NKAIN3: variants seen among roughly 807,000 people sequenced by gnomAD.
NKAIN3 encodes the protein sodium/potassium-transporting ATPase subunit beta-1-interacting protein 3.
NKAIN3 carries 25 observed loss-of-function variants against 30.2 expected under a neutral mutation model. The observed-to-expected ratio is 0.83, with a 90% CI of 0.60 to 1.16. NKAIN3 has a LOEUF of 1.16. NKAIN3 is among the 50% of genes most tolerant of loss of function. The probability of loss-of-function intolerance (pLI) is 0.00; values close to 1 mark genes in which losing one functional copy is unlikely to be tolerated. For synonymous variants in NKAIN3, 91 were observed against 89.6 expected (o/e 1.02, Z -0.09); for missense variants, 225 against 254.1 (o/e 0.89, Z 0.78).
rs1294602168 is a variant in NKAIN3 at position 62,967,200 on chromosome 8, T to A, written c.*1793T>A. On this transcript the variant is annotated 3_prime_UTR_variant, in exon 7 of 7. Transcript: ENST00000623646. The stretch of plus-strand genomic sequence containing the variant: ...CTGAAGCCTAAGGGATTTGGTGAAC[T>A]TGTCCAGAGCCTGTATCTGTACACA... Among the ~76,000 whole-genome samples the A allele has an allele frequency of 2.0e-5, 3 of 152,206 alleles. No homozygotes were observed. In the East Asian group the frequency reaches 5.8e-4, roughly 29 times the overall value.
intron 4 of NKAIN3, among the ~76,000 whole-genome samples, chr8:62,816,659 G>C (rs1271185189): frequency 6.6e-6 from 1 of 152,060 alleles, no homozygotes; most frequent in African/African-American, 2.4e-5. Flanking sequence ...TGGTGCTGGG[G>C]TCAGCGCTGT....
intron 3 of NKAIN3, among the ~76,000 whole-genome samples, chr8:62,643,888 C>A (rs1034972417): frequency 6.6e-6 from 1 of 151,998 alleles, no homozygotes; most frequent in African/African-American, 2.4e-5. Context: ...TGCAAAATTT[C>A]TTTCACTGAA....
chr8:62,431,906 C>A (rs539373844), intron 1 of NKAIN3, among the ~76,000 whole-genome samples: 8 of 127,766 alleles, frequency 6.3e-5, no homozygotes, highest in Non-Finnish European at 1.3e-4. Flanking sequence ...TGTTTTCACC[C>A]AATTAAACTA....
chr8:62,377,227 T>C (rs1817115841), intron 1 of NKAIN3, among the ~76,000 whole-genome samples: 1 of 152,170 alleles, frequency 6.6e-6, no homozygotes. Flanking sequence ...AATTCTTCCC[T>C]CTTTGTTTCT....
At chr8:62,826,421 G>A (rs1295747096) in intron 4 of NKAIN3, among the ~76,000 whole-genome samples, 1 of 152,114 alleles carries the variant, frequency 6.6e-6, no homozygotes, top group Non-Finnish European at 1.5e-5. Flanking sequence ...CATCTCTACT[G>A]ACTTCTATAT....
Position 62,729,033 on chromosome 8 carries a change from A to AC in NKAIN3, c.274-17899_274-17898insC, listed in dbSNP as rs1563534899. Among the ~76,000 whole-genome samples, 638 of 111,898 alleles carry AC rather than the reference A, an allele frequency of 5.7e-3. 66 individuals are homozygous for AC. The highest frequency in any genetic ancestry group is 0.023 in the African/African-American group (613 of 26,252). The allele number at this position is 111,898 out of a possible 152,430, so 73.4% of individuals were successfully genotyped here. On this transcript the variant is annotated intron_variant, in intron 3 of 6. Coordinates refer to ENST00000623646, the MANE Select transcript of NKAIN3 (RefSeq NM_001304533.3). ...AACAAAACAAACAAACCAAAAAAAA[A>AC]AAAAAACAAAAAAAAAAAACCTCCT...
intron 4 of NKAIN3, chr8:62,855,423 G>C (rs1820033331): frequency 9.6e-7 from 1 of 1,037,854 alleles, no homozygotes; most frequent in African/African-American, 1.6e-5. Context: ...TTGGCCTTCA[G>C]CTCCTCTTCT....
intron 1 of NKAIN3, among the ~76,000 whole-genome samples, chr8:62,544,730 C>T (rs1236305197): frequency 2.0e-5 from 3 of 151,824 alleles, no homozygotes; most frequent in African/African-American, 7.3e-5. Flanking sequence ...ACAAACAATC[C>T]TTGAACAACA....
intron 1 of NKAIN3, among the ~76,000 whole-genome samples, chr8:62,310,515 T>C (rs1814394115): frequency 6.6e-6 from 1 of 150,628 alleles, no homozygotes; most frequent in Admixed American, 6.6e-5. Flanking sequence ...TTAACGTAAA[T>C]GTTCCTACCC....
At chr8:62,628,557 ATTG>A (rs1811857908) in intron 3 of NKAIN3, among the ~76,000 whole-genome samples, 1 of 152,118 alleles carries the variant, frequency 6.6e-6, no homozygotes, top group Admixed American at 6.6e-5. Flanking sequence ...ATGCTAAATC[ATTG>A]TTAAGTAATT....
intron 1 of NKAIN3, among the ~76,000 whole-genome samples, chr8:62,489,623 T>C (rs1041735244): frequency 6.6e-6 from 1 of 152,208 alleles, no homozygotes; most frequent in African/African-American, 2.4e-5. Context: ...AACAGCATAT[T>C]TAAAAGAGTT....
At chr8:62,996,263 A>AT (rs1322508538) in intron 5 of NKAIN3, among the ~76,000 whole-genome samples, 1 of 152,202 alleles carries the variant, frequency 6.6e-6, no homozygotes, top group Non-Finnish European at 1.5e-5. Flanking sequence ...CACGGCTTAC[A>AT]TGGTGGCAGG....
chr8:62,449,723 AT>A (rs1805585095), intron 1 of NKAIN3, among the ~76,000 whole-genome samples: 1 of 152,030 alleles, frequency 6.6e-6, no homozygotes, highest in Non-Finnish European at 1.5e-5. Context: ...CCATAAGCGT[AT>A]TTTTCCCCTT....
intron 1 of NKAIN3, among the ~76,000 whole-genome samples, chr8:62,476,822 T>C (rs1806535211): frequency 6.6e-6 from 1 of 152,186 alleles, no homozygotes; most frequent in Non-Finnish European, 1.5e-5. Context: ...TTACTATTAT[T>C]TTTAACATCT....
intron 3 of NKAIN3, among the ~76,000 whole-genome samples, chr8:62,701,647 G>A (rs1416182640): frequency 6.6e-6 from 1 of 152,128 alleles, no homozygotes; most frequent in South Asian, 2.1e-4. Context: ...AAAATGATGT[G>A]ACGTATACAA....
intron 1 of NKAIN3, among the ~76,000 whole-genome samples, chr8:62,545,658 A>C (rs561382776): frequency 1.3e-5 from 2 of 152,312 alleles, no homozygotes; most frequent in South Asian, 4.1e-4. Context: ...GACTGCATGG[A>C]ATTGATGTGC....
chr8:62,754,499 C>T (rs985288340), intron 4 of NKAIN3, among the ~76,000 whole-genome samples: 1 of 152,148 alleles, frequency 6.6e-6, no homozygotes, highest in Admixed American at 6.6e-5. Context: ...GCTAATTTTA[C>T]ACATATATTG....
intron 1 of NKAIN3, among the ~76,000 whole-genome samples, chr8:62,409,748 T>C (rs1804181265): frequency 6.6e-6 from 1 of 152,068 alleles, no homozygotes; most frequent in Non-Finnish European, 1.5e-5. Flanking sequence ...TCAGAGTTTT[T>C]TAAAATACTT....
rs529535603 is a variant in NKAIN3, at chr8:62,910,469, T to A, written c.472-7984T>A. Among the ~76,000 whole-genome samples the A allele has an allele frequency of 1.8e-4, 27 of 152,288 alleles. No individual in the cohort carries two copies. The South Asian group carries it at 5.4e-3, about 30-fold the overall frequency. Reference sequence around the variant, plus strand: ...TAAAAAGCTTGCATTTATTTTTCAATGTTAGTCATCTGGTCAACATCTTCA... The same window carrying A: ...TAAAAAGCTTGCATTTATTTTTCAAAGTTAGTCATCTGGTCAACATCTTCA... On this transcript the variant is annotated intron_variant, in intron 4 of 6. Transcript: ENST00000623646.
Sources: allele counts gnomAD v4.1 joint callset (sites outside exome capture counted in the v4.1 genomes callset), GRCh38; gene constraint gnomAD v4.1.1; transcripts MANE v1.5; gene names NCBI Gene and HGNC (gene_info 2026-07-23, HGNC 2026-07-21).